Variants in SLC16A10 observed in about 807,000 individuals in gnomAD.
SLC16A10 encodes monocarboxylate transporter 10.
Under a neutral mutation model 40.0 loss-of-function variants are expected in SLC16A10, and 27 were observed. The ratio of observed to expected loss-of-function variants is 0.67; its 90% CI spans 0.50 to 0.93. The LOEUF (loss-of-function observed/expected upper bound fraction) is 0.93. Among genes scored for constraint, SLC16A10 ranks in the 40% least tolerant of loss-of-function variants. The probability of loss-of-function intolerance (pLI) is 0.00; values close to 1 mark genes in which losing one functional copy is unlikely to be tolerated. For synonymous variants in SLC16A10, 213 were observed against 249.8 expected (o/e 0.85, Z 1.39); for missense variants, 529 against 658.2 (o/e 0.80, Z 2.15).
At chr6:111,167,491 C>T (rs1391539745) in intron 1 of SLC16A10, among the ~76,000 whole-genome samples, 1 of 152,040 alleles carries the variant, frequency 6.6e-6, no homozygotes, top group Non-Finnish European at 1.5e-5. Context: ...GTGGAGAGTT[C>T]TGTGGGGGCA....
intron 1 of SLC16A10, among the ~76,000 whole-genome samples, chr6:111,167,133 G>A (rs989127301): frequency 6.6e-6 from 1 of 152,120 alleles, no homozygotes; most frequent in Admixed American, 6.5e-5. Flanking sequence ...GAACATTAAA[G>A]AACACTAAAA....
At chr6:111,089,926 T>C (rs1245670622) in intron 1 of SLC16A10, among the ~76,000 whole-genome samples, 2 of 115,232 alleles carry the variant, frequency 1.7e-5, no homozygotes, top group Middle Eastern at 3.5e-3. Flanking sequence ...TTTTTTTTTT[T>C]TTTTTTTTTT....
intron 4 of SLC16A10, among the ~76,000 whole-genome samples, chr6:111,213,526 G>A (rs1773377074): frequency 6.6e-6 from 1 of 152,190 alleles, no homozygotes; most frequent in South Asian, 2.1e-4. Context: ...TTTGCCTAAA[G>A]ATATCTTGGG....
At chr6:111,159,450 G>A (rs868787108) in intron 1 of SLC16A10, among the ~76,000 whole-genome samples, 32 of 152,210 alleles carry the variant, frequency 2.1e-4, no homozygotes, top group Middle Eastern at 6.8e-3. Flanking sequence ...ACATGTTGTT[G>A]TATTTATCAG....
intron 1 of SLC16A10, among the ~76,000 whole-genome samples, chr6:111,130,456 C>G (rs1771760444): frequency 6.6e-6 from 1 of 152,154 alleles, no homozygotes; most frequent in Non-Finnish European, 1.5e-5. Context: ...CCAAGCTGTT[C>G]TTTTTTTGAT....
chr6:111,180,167 T>G (rs1772762872), intron 3 of SLC16A10, among the ~76,000 whole-genome samples: 2 of 152,346 alleles, frequency 1.3e-5, no homozygotes, highest in African/African-American at 2.4e-5. Context: ...ATACATTCTC[T>G]TATTTAATAT....
intron 1 of SLC16A10, among the ~76,000 whole-genome samples, chr6:111,139,672 C>T (rs539511850): frequency 9.2e-5 from 14 of 152,302 alleles, no homozygotes; most frequent in Non-Finnish European, 2.1e-4. Flanking sequence ...TGCATTCTAT[C>T]ATTGATGGGC....
chr6:111,201,011 G>A (rs1773158723), intron 3 of SLC16A10, among the ~76,000 whole-genome samples: 1 of 152,220 alleles, frequency 6.6e-6, no homozygotes, highest in African/African-American at 2.4e-5. Flanking sequence ...CATAATTGCT[G>A]TAAATATTAT....
At chr6:111,145,786 C>T (rs527288088) in intron 1 of SLC16A10, among the ~76,000 whole-genome samples, 2 of 152,262 alleles carry the variant, frequency 1.3e-5, no homozygotes, top group African/African-American at 4.8e-5. Context: ...GATTTAGAGG[C>T]TGCAGTGAGC....
At chr6:111,119,662 T>C (rs1771549526) in intron 1 of SLC16A10, among the ~76,000 whole-genome samples, 1 of 152,168 alleles carries the variant, frequency 6.6e-6, no homozygotes, top group South Asian at 2.1e-4. Flanking sequence ...ATTTTGAAGC[T>C]CAAACCCCTG....
intron 1 of SLC16A10, among the ~76,000 whole-genome samples, chr6:111,151,679 G>A (rs112097506): frequency 1.3e-5 from 2 of 152,356 alleles, no homozygotes; most frequent in African/African-American, 4.8e-5. Context: ...AATAAAGTCC[G>A]TATTTCTTGG....
At chr6:111,157,345 A>G (rs1257944880) in intron 1 of SLC16A10, among the ~76,000 whole-genome samples, 1 of 150,186 alleles carries the variant, frequency 6.7e-6, no homozygotes, top group African/African-American at 2.5e-5. Context: ...GTGCAATGGC[A>G]TGATCTTGGC....
chr6:111,100,071 G>A (rs1477135222), intron 1 of SLC16A10, among the ~76,000 whole-genome samples: 2 of 151,712 alleles, frequency 1.3e-5, no homozygotes, highest in African/African-American at 4.8e-5. Context: ...ACAAAGCAGG[G>A]GAAGGAAAAG....
rs1770912234 is a variant in SLC16A10 at position 111,222,059 on chromosome 6, C to T, written c.1372C>T (p.Pro458Ser). The change falls in exon 6 of 6, where the codon CCT (proline) becomes TCT (serine). Residue 458 changes from proline to serine, a missense_variant. Transcript: ENST00000368851. ...TGTGGCATTCTACCTCGCTGGAGTC[C>T]CTCCCCTTATTGGAGGTGCTGTGCT... ...YDVAFYLAGV[P>S]PLIGGAVLCF... 6 of 1,610,768 alleles carry T rather than the reference C, an allele frequency of 3.7e-6. No homozygotes were observed. Among genetic ancestry groups the T allele is most frequent in the Non-Finnish European group, 5.1e-6 (6 of 1,179,196 alleles).
chr6:111,215,093 T>C (rs1438546973), intron 4 of SLC16A10, among the ~76,000 whole-genome samples: 2 of 152,046 alleles, frequency 1.3e-5, no homozygotes, highest in South Asian at 2.1e-4. Flanking sequence ...CACTCCAGCC[T>C]GGGTGACAGA....
chr6:111,137,778 C>T (rs577080196), intron 1 of SLC16A10, among the ~76,000 whole-genome samples: 5 of 152,254 alleles, frequency 3.3e-5, no homozygotes, highest in South Asian at 2.1e-4. Flanking sequence ...TTTCCTAGGC[C>T]GACTAAGAAT....
chr6:111,217,795 T>C (rs1470435030), intron 4 of SLC16A10, among the ~76,000 whole-genome samples: 1 of 152,140 alleles, frequency 6.6e-6, no homozygotes, highest in South Asian at 2.1e-4. Flanking sequence ...AAAAAGTTAT[T>C]AAATTGACTG....
chr6:111,101,258 C>T lies in SLC16A10; in HGVS notation c.343+13163C>T, dbSNP rs571314537. On this transcript the variant is annotated intron_variant, in intron 1 of 5. Coordinates refer to ENST00000368851, the MANE Select transcript of SLC16A10 (RefSeq NM_018593.5). Reference sequence around the variant, plus strand: ...TGTTGCCCAGGCTGGTCCTGAAATCCTTGGCTCAAGCAATCTGTCCACCTC... The same window carrying T: ...TGTTGCCCAGGCTGGTCCTGAAATCTTTGGCTCAAGCAATCTGTCCACCTC... Among the ~76,000 whole-genome samples the T allele has an allele frequency of 1.4e-4, 21 of 151,962 alleles. No homozygotes were observed. The South Asian group carries it at 3.9e-3, about 29-fold the overall frequency.
At chr6:111,135,514 C>G (rs982384386) in intron 1 of SLC16A10, among the ~76,000 whole-genome samples, 1 of 152,204 alleles carries the variant, frequency 6.6e-6, no homozygotes, top group Non-Finnish European at 1.5e-5. Flanking sequence ...TCCTTATATT[C>G]CGCTTTCCCA....
Sources: gnomAD v4.1 joint callset for allele counts (sites outside exome capture counted in the v4.1 genomes callset) on GRCh38, gnomAD v4.1.1 for gene constraint, MANE v1.5 for transcripts, NCBI Gene and HGNC (gene_info 2026-07-23, HGNC 2026-07-21) for gene names.